ANKS1B: variants seen among roughly 807,000 people sequenced by gnomAD.
The protein encoded by ANKS1B is ankyrin repeat and sterile alpha motif domain-containing protein 1B.
A neutral mutation model predicts 148.3 loss-of-function variants in ANKS1B; 36 were observed. The ratio of observed to expected loss-of-function variants is 0.24; its 90% confidence interval spans 0.19 to 0.32. ANKS1B has a LOEUF of 0.32. Among genes scored for constraint, ANKS1B ranks in the 10% least tolerant of loss-of-function variants. ANKS1B has a pLI of 1.00. For synonymous variants in ANKS1B, 542 were observed against 560.8 expected (o/e 0.97, Z 0.47); for missense variants, 1,157 against 1,542.6 (o/e 0.75, Z 4.19).
chr12:99,067,105 T>C (rs112192663), intron 16 of ANKS1B, among the ~76,000 whole-genome samples: 9 of 152,334 alleles, frequency 5.9e-5, no homozygotes, highest in African/African-American at 2.2e-4. Context: ...TCCCTTAAGA[T>C]GAAGAGGTTT....
intron 15 of ANKS1B, among the ~76,000 whole-genome samples, chr12:99,086,617 C>A (rs1447832454): frequency 6.6e-6 from 1 of 152,138 alleles, no homozygotes; most frequent in Non-Finnish European, 1.5e-5. Context: ...GTCCAAGGAC[C>A]AGTTCAGTCC....
chr12:99,430,595 T>C (rs1194044632), intron 11 of ANKS1B, among the ~76,000 whole-genome samples: 1 of 152,206 alleles, frequency 6.6e-6, no homozygotes, highest in African/African-American at 2.4e-5. Context: ...ATCCTCCACC[T>C]ATTCTCCGAC....
intron 12 of ANKS1B, chr12:99,344,791 T>C (rs190895722): frequency 6.6e-6 from 1 of 152,100 alleles, no homozygotes; most frequent in Admixed American, 6.6e-5. Flanking sequence ...CTAAAAGCAA[T>C]AAGAAAAAGA....
At chr12:99,714,328 A>C (rs117813268) in intron 8 of ANKS1B, among the ~76,000 whole-genome samples, 135 of 152,266 alleles carry the variant, frequency 8.9e-4, no homozygotes, top group Non-Finnish European at 1.6e-3. Flanking sequence ...ACATTAACTT[A>C]ATCACCTGTG....
At chr12:99,911,710 T>A (rs936696649) in intron 1 of ANKS1B, among the ~76,000 whole-genome samples, 19 of 152,182 alleles carry the variant, frequency 1.2e-4, no homozygotes, top group African/African-American at 4.6e-4. Context: ...AACGTACTCA[T>A]CATACACCTT....
chr12:99,244,354 C>T lies in ANKS1B; in HGVS notation c.2407G>A (p.Gly803Ser), dbSNP rs369542708. The T allele has an allele frequency of 3.1e-6, 5 of 1,604,964 alleles. No homozygotes were observed. Among genetic ancestry groups the T allele is most frequent in the Non-Finnish European group, 4.3e-6 (5 of 1,176,320 alleles). Residue 803 changes from glycine (G) to serine (S), a missense_variant, in exon 14 of 27, where the codon GGT becomes AGT. By Grantham distance (56) the Gly-to-Ser change is moderately conservative. Transcript: ENST00000683438. Reference protein sequence around the residue: ...GINNELKEMNGETTRPRCPVQ... With the variant: ...GINNELKEMNSETTRPRCPVQ... The stretch of plus-strand genomic sequence containing the variant: ...AAGGTTGCCTTACTTGTGGTCTCAC[C>T]ATTCATCTCTTTAAGTTCGTTGTTG...
chr12:99,005,711 T>A (rs1336589970), intron 17 of ANKS1B, among the ~76,000 whole-genome samples: 2 of 152,340 alleles, frequency 1.3e-5, no homozygotes, highest in East Asian at 1.9e-4. Flanking sequence ...TGTTTAGGAA[T>A]GTGTAGTTGC....
At chr12:98,938,631 C>T (rs971955987) in intron 17 of ANKS1B, among the ~76,000 whole-genome samples, 2 of 152,180 alleles carry the variant, frequency 1.3e-5, no homozygotes, top group Non-Finnish European at 2.9e-5. Context: ...TAAGATGTGT[C>T]CTTGGGGGAA....
At chr12:99,954,453 C>T (rs1003065013) in intron 1 of ANKS1B, among the ~76,000 whole-genome samples, 4 of 152,154 alleles carry the variant, frequency 2.6e-5, no homozygotes, top group Non-Finnish European at 5.9e-5. Context: ...CATTTCCATG[C>T]ATAGTAGTTC....
At position 99,281,014 on chromosome 12, in the gene ANKS1B, T is replaced by C. The variant is rs2154000042; in HGVS notation, c.1757-34150A>G. 2.6e-5 allele frequency among the ~76,000 whole-genome samples: 4 copies of C among 152,072 alleles called. 1 individual carries two copies. Among genetic ancestry groups the C allele is most frequent in the Admixed American group, 2.6e-4 (4 of 15,252 alleles). Reference sequence around the variant, plus strand: ...TTGACTAACACATGAGCCTAAACCATAACCCCTTCCACAGAGAATCCTTGC... The same window carrying C: ...TTGACTAACACATGAGCCTAAACCACAACCCCTTCCACAGAGAATCCTTGC... On this transcript the variant is annotated intron_variant, in intron 12 of 26. Transcript: ENST00000683438.
At chr12:99,770,726 C>G (rs2063116040) in intron 8 of ANKS1B, among the ~76,000 whole-genome samples, 1 of 151,804 alleles carries the variant, frequency 6.6e-6, no homozygotes, top group Non-Finnish European at 1.5e-5. Flanking sequence ...TTATCCATGA[C>G]CTGACCTCAA....
rs528030644 is a variant in ANKS1B at position 99,638,219 on chromosome 12, T to C, written c.1272+16848A>G. 3.3e-5 allele frequency among the ~76,000 whole-genome samples: 5 copies of C among 151,866 alleles called. 1 individual carries two copies. The highest frequency in any genetic ancestry group is 1.2e-4 in the African/African-American group (5 of 41,382). ...TTTGGAACTGGGTAACCGGCAGAGG[T>C]TGGAACAGTTTCGAGGGCCCAGAAG... On this transcript the variant is annotated intron_variant, in intron 9 of 26. Transcript: ENST00000683438.
At chr12:99,089,170 ATT>A (rs11350172) in intron 15 of ANKS1B, among the ~76,000 whole-genome samples, 1 of 149,022 alleles carries the variant, frequency 6.7e-6, no homozygotes, top group Admixed American at 6.7e-5. Flanking sequence ...CTCCTCCATC[ATT>A]TTTTTTTTTC....
At chr12:98,883,207 C>A (rs978811487) in intron 17 of ANKS1B, among the ~76,000 whole-genome samples, 3 of 152,154 alleles carry the variant, frequency 2.0e-5, no homozygotes, top group African/African-American at 7.2e-5. Flanking sequence ...AGGAATCTGG[C>A]TTAAGTTCTG....
chr12:99,954,873 C>T (rs962059262), intron 1 of ANKS1B, among the ~76,000 whole-genome samples: 8 of 152,126 alleles, frequency 5.3e-5, no homozygotes, highest in Non-Finnish European at 1.0e-4. Context: ...TCAAAAGCTA[C>T]CTCATTCATA....
intron 9 of ANKS1B, among the ~76,000 whole-genome samples, chr12:99,515,859 C>T (rs1237136334): frequency 6.6e-6 from 1 of 152,118 alleles, no homozygotes; most frequent in Non-Finnish European, 1.5e-5. Context: ...AGTCATTTAA[C>T]TGGGGTGAAA....
At chr12:98,795,021 A>T in intron 22 of ANKS1B, 1 of 760,692 alleles carries the variant, frequency 1.3e-6, no homozygotes, top group Non-Finnish European at 2.3e-6. Context: ...CCCTTTGGAG[A>T]CTTGAAACTG....
chr12:99,637,524 A>G (rs1422327882), intron 9 of ANKS1B, among the ~76,000 whole-genome samples: 3 of 152,148 alleles, frequency 2.0e-5, no homozygotes, highest in Non-Finnish European at 4.4e-5. Context: ...TGGGAAAGGC[A>G]GACCCACCCT....
intron 11 of ANKS1B, among the ~76,000 whole-genome samples, chr12:99,428,346 G>C (rs896525422): frequency 2.0e-5 from 3 of 152,138 alleles, no homozygotes; most frequent in African/African-American, 7.2e-5. Context: ...GTGTCCATGT[G>C]GAGCTTTACT....
Sources: allele counts gnomAD v4.1 joint callset (sites outside exome capture counted in the v4.1 genomes callset), GRCh38; gene constraint gnomAD v4.1.1; transcripts MANE v1.5; gene names NCBI Gene and HGNC (gene_info 2026-07-23, HGNC 2026-07-21).